Variants in RASGRP3 observed in about 807,000 individuals in gnomAD.
RASGRP3 encodes ras guanyl-releasing protein 3.
In RASGRP3, 54 loss-of-function variants were observed where a neutral mutation model predicts 82.7. The observed-to-expected ratio is 0.65, with a 90% CI of 0.52 to 0.82. The LOEUF (loss-of-function observed/expected upper bound fraction) is 0.82. RASGRP3 is among the 40% of genes least tolerant of loss of function. RASGRP3 has a pLI of 0.00. For synonymous variants in RASGRP3, 309 were observed against 300.5 expected, an observed-to-expected ratio of 1.03 and a Z score of -0.29; for missense variants, 861 against 828.9, an observed-to-expected ratio of 1.04 and a Z score of -0.48.
chr2:33,546,612 A>G (rs1411706009), intron 13 of RASGRP3, among the ~76,000 whole-genome samples: 1 of 152,180 alleles, frequency 6.6e-6, no homozygotes, highest in Non-Finnish European at 1.5e-5. Context: ...ATATACCCAG[A>G]GGAATAGAAA....
chr2:33,508,388 G>A (rs1223443834), intron 1 of RASGRP3, among the ~76,000 whole-genome samples: 1 of 152,232 alleles, frequency 6.6e-6, no homozygotes, highest in African/African-American at 2.4e-5. Flanking sequence ...AGGCAGAAGA[G>A]TGAGAAGTTA....
intron 4 of RASGRP3, among the ~76,000 whole-genome samples, chr2:33,517,013 C>T (rs911942371): frequency 2.6e-5 from 4 of 152,192 alleles, no homozygotes; most frequent in Non-Finnish European, 5.9e-5. Flanking sequence ...GCATAGAGGA[C>T]GCAGCTTAAT....
chr2:33,540,866 A>G (rs974127781), intron 12 of RASGRP3, among the ~76,000 whole-genome samples: 1 of 146,076 alleles, frequency 6.8e-6, no homozygotes, highest in African/African-American at 2.4e-5. Context: ...GGAATTAAAA[A>G]AAAAAAGGTA....
chr2:33,470,580 C>A (rs1398984408), intron 2 of RASGRP3, among the ~76,000 whole-genome samples: 1 of 151,922 alleles, frequency 6.6e-6, no homozygotes, highest in Admixed American at 6.6e-5. Context: ...AGGGTTTCAC[C>A]GTGTTAGCCA....
chr2:33,464,152 T>C (rs1666547161), intron 2 of RASGRP3, among the ~76,000 whole-genome samples: 1 of 147,994 alleles, frequency 6.8e-6, no homozygotes, highest in Admixed American at 6.7e-5. Flanking sequence ...GGAGTTTTGC[T>C]CTGTTGTCCA....
intron 14 of RASGRP3, among the ~76,000 whole-genome samples, chr2:33,550,851 G>T (rs750882208): frequency 5.4e-5 from 8 of 146,804 alleles, no homozygotes; most frequent in African/African-American, 2.2e-4. Flanking sequence ...TCTGAGAATG[G>T]GTAAATAAGA....
At chr2:33,463,764 T>A (rs1250785532) in intron 2 of RASGRP3, among the ~76,000 whole-genome samples, 1 of 151,638 alleles carries the variant, frequency 6.6e-6, no homozygotes, top group Non-Finnish European at 1.5e-5. Context: ...CACACCTGGC[T>A]ATTTTTTTTG....
In RASGRP3 at chr2:33,526,986, C is replaced by T. The variant is rs1672628476; in HGVS notation, c.808-151C>T. 9.5e-6 allele frequency: 8 copies of T among 846,040 alleles called. No homozygotes were observed. The South Asian group carries it at 1.5e-4, about 16-fold the overall frequency. 52.4% of individuals were successfully genotyped at this position (846,040 alleles called of 1,614,324 possible). On this transcript the variant is annotated intron_variant, in intron 9 of 17. Coordinates refer to ENST00000403687, the MANE Select transcript of RASGRP3 (RefSeq NM_001139488.2). ...CAGGCCTAGTACTTTTTCTAACTTT[C>T]TTTTTCCTGATTCATATTTCCCTGC... is the stretch of plus-strand genomic sequence containing the variant.
At chr2:33,550,512 G>A (rs1215660793) in intron 14 of RASGRP3, among the ~76,000 whole-genome samples, 33 of 152,132 alleles carry the variant, frequency 2.2e-4, no homozygotes, top group Admixed American at 2.2e-3. Context: ...GGGAACCAAG[G>A]TCAGTTTTTG....
intron 15 of RASGRP3, among the ~76,000 whole-genome samples, chr2:33,556,010 C>T (rs951038885): frequency 1.3e-5 from 2 of 152,102 alleles, no homozygotes; most frequent in Non-Finnish European, 2.9e-5. Flanking sequence ...AAACTTAAAA[C>T]GTAATTTTGT....
intron 7 of RASGRP3, among the ~76,000 whole-genome samples, chr2:33,522,766 C>T (rs1241982422): frequency 2.0e-5 from 3 of 152,214 alleles, no homozygotes; most frequent in African/African-American, 4.8e-5. Flanking sequence ...GGAAGTCGCT[C>T]CTCCTCCTTT....
intron 2 of RASGRP3, among the ~76,000 whole-genome samples, chr2:33,450,764 G>C (rs938014458): frequency 2.2e-5 from 3 of 135,180 alleles, no homozygotes; most frequent in Non-Finnish European, 4.8e-5. Flanking sequence ...GTATATGATA[G>C]TTCTATTTTA....
chr2:33,491,877 A>G (rs1047300719), intron 1 of RASGRP3, among the ~76,000 whole-genome samples: 1 of 152,232 alleles, frequency 6.6e-6, no homozygotes. Context: ...CTAGGGCACA[A>G]TGGACTTTCT....
rs774650493 is a variant in RASGRP3, at chr2:33,521,997, A to G, written c.411A>G (p.Lys137=). ...TGAGAAGAGTCACACAGAGGAAAAA[A>G]GTATCCAAGAAGGGAAAAGCCTGTC... is the stretch of plus-strand genomic sequence containing the variant. The part of the protein sequence containing the change: ...DWMRRVTQRK[K]VSKKGKACLL... The change falls in exon 7 of 18, where the codon AAA becomes AAG. Residue 137 remains lysine, a synonymous_variant. Coordinates refer to ENST00000403687, the MANE Select transcript of RASGRP3 (RefSeq NM_001139488.2). 2 of 1,613,872 alleles carry G rather than the reference A, an allele frequency of 1.2e-6. No homozygotes were observed. The highest frequency in any genetic ancestry group is 1.7e-6 in the Non-Finnish European group (2 of 1,179,842).
chr2:33,560,392 C>T (rs531305647), intron 17 of RASGRP3, among the ~76,000 whole-genome samples: 55 of 152,224 alleles, frequency 3.6e-4, no homozygotes, highest in Admixed American at 1.1e-3. Context: ...GGAATATAAA[C>T]GAGAATAAGA....
Position 33,558,979 on chromosome 2 carries a change from G to T in RASGRP3, c.2013G>T (p.Thr671=). Residue 671 remains threonine, a synonymous_variant, in exon 17 of 18, where the codon ACG becomes ACT. Transcript: ENST00000403687. ...GTGTGGATGTTGTAGACCGGGGCACGGAGTTTGAACTTGACCAGGATGAAG... is the reference window on the plus strand; with the variant it reads ...GTGTGGATGTTGTAGACCGGGGCACTGAGTTTGAACTTGACCAGGATGAAG... ...HAGVDVVDRG[T]EFELDQDEGE... 1 of 1,613,782 alleles carries T rather than the reference G, an allele frequency of 6.2e-7. No individual in the cohort carries two copies. Among genetic ancestry groups the T allele is most frequent in the African/African-American group, 1.3e-5 (1 of 75,038 alleles).
upstream of RASGRP3, among the ~76,000 whole-genome samples, chr2:33,473,870 C>T (rs1241225040): frequency 6.6e-6 from 1 of 152,170 alleles, no homozygotes; most frequent in East Asian, 1.9e-4. Flanking sequence ...ACAATTTTTC[C>T]ATGGACCGGG....
Position 33,549,681 on chromosome 2 carries a change from CA to C in RASGRP3, c.1473del (p.Gly492AspfsTer9). ...AKSQLHCKMG[P>X]GFIHNFQEMT... is the part of the protein sequence containing the mutation. ...TCCCAACTACACTGTAAAATGGGACCAGGATTTATCCATAATTTTCAGGAGA... is the reference window on the plus strand; with the variant it reads ...TCCCAACTACACTGTAAAATGGGACCGGATTTATCCATAATTTTCAGGAGA... On this transcript the variant is annotated frameshift_variant, in exon 14 of 18. Coordinates refer to ENST00000403687, the MANE Select transcript of RASGRP3 (RefSeq NM_001139488.2). LOFTEE classifies it high-confidence loss of function. 1 of 1,613,752 alleles carries C rather than the reference CA, an allele frequency of 6.2e-7. No individual in the cohort carries two copies. The highest frequency in any genetic ancestry group is 8.5e-7 in the Non-Finnish European group (1 of 1,179,702).
intron 14 of RASGRP3, among the ~76,000 whole-genome samples, chr2:33,550,380 C>T (rs1558518767): frequency 6.6e-6 from 1 of 152,206 alleles, no homozygotes; most frequent in Non-Finnish European, 1.5e-5. Flanking sequence ...GATTGCACAG[C>T]TAATCATTAC....
Sources: gnomAD v4.1 joint callset for allele counts (sites outside exome capture counted in the v4.1 genomes callset) on GRCh38, gnomAD v4.1.1 for gene constraint, MANE v1.5 for transcripts, NCBI Gene and HGNC (gene_info 2026-07-23, HGNC 2026-07-21) for gene names.